The following DYNC1I2 variants were observed in gnomAD, a reference collection of about 807,000 sequenced individuals.
DYNC1I2 encodes the protein dynein cytoplasmic 1 intermediate chain 2.
DYNC1I2 carries 53 observed loss-of-function variants against 88.6 expected under a neutral mutation model. The ratio of observed to expected loss-of-function variants is 0.60; its 90% CI spans 0.48 to 0.75. The LOEUF (loss-of-function observed/expected upper bound fraction) is 0.75, where lower values mean the gene tolerates loss of function less well. Ranked by LOEUF, DYNC1I2 falls within the 30% of genes least tolerant of loss-of-function variation. DYNC1I2 has a pLI of 0.00. For missense variants in DYNC1I2, 458 were observed against 766.6 expected (o/e 0.60, Z 4.75); for synonymous variants, 198 against 254.6 (o/e 0.78, Z 2.12).
In DYNC1I2 at chr2:171,749,532, G is replaced by A. The variant is rs1292460369; in HGVS notation, c.*1643G>A. 1.3e-5 allele frequency among the ~76,000 whole-genome samples: 2 copies of A among 152,220 alleles called. No individual in the cohort carries two copies. Among genetic ancestry groups the A allele is most frequent in the Non-Finnish European group, 1.5e-5 (1 of 67,972 alleles). On this transcript the variant is annotated 3_prime_UTR_variant, in exon 18 of 18. Transcript: ENST00000397119. The stretch of plus-strand genomic sequence containing the variant: ...AAAAATTCATGTACTCACTACTCAT[G>A]TAGTTACTGTATCTTTACCTTCAGT...
intron 15 of DYNC1I2, among the ~76,000 whole-genome samples, chr2:171,731,885 A>C (rs1688638700): frequency 6.6e-6 from 1 of 152,244 alleles, no homozygotes; most frequent in Non-Finnish European, 1.5e-5. Flanking sequence ...ATACAAAGGC[A>C]AGACAGTTAA....
chr2:171,744,039 T>G lies in DYNC1I2; in HGVS notation c.1537-10T>G. The stretch of plus-strand genomic sequence containing the variant: ...ATGGACTGTGCTAAGAATCAACTTT[T>G]CTCTTTCAGAATAACAAGCCTTTGT... On this transcript the variant is annotated splice_polypyrimidine_tract_variant and intron_variant, in intron 15 of 17. Coordinates refer to ENST00000397119, the MANE Select transcript of DYNC1I2 (RefSeq NM_001378.3). 3.1e-6 allele frequency: 5 copies of G among 1,604,770 alleles called. No homozygotes were observed. Among genetic ancestry groups the G allele is most frequent in the Non-Finnish European group, 4.2e-6 (5 of 1,177,390 alleles).
At chr2:171,692,749 A>T (rs762757579) in intron 2 of DYNC1I2, 28 bp from the exon 3 acceptor site, 19 of 1,517,044 alleles carry the variant, frequency 1.3e-5, no homozygotes, top group Admixed American at 8.4e-5. Context: ...CTATATGTAA[A>T]CATAAGTTTT....
intron 10 of DYNC1I2, 102 bp from the exon 11 acceptor site, chr2:171,726,689 T>C (rs1688278182): frequency 7.3e-7 from 1 of 1,362,556 alleles, no homozygotes; most frequent in Non-Finnish European, 1.0e-6. Flanking sequence ...TGTTAGGTAT[T>C]TGTATTTGCA....
intron 4 of DYNC1I2, chr2:171,706,899 A>T (rs181375645): frequency 7.5e-6 from 3 of 399,264 alleles, no homozygotes; most frequent in African/African-American, 2.1e-5. Flanking sequence ...TTTGGCAGCA[A>T]TTGTAAATAA....
intron 7 of DYNC1I2, among the ~76,000 whole-genome samples, chr2:171,716,140 A>C (rs1390458497): frequency 6.6e-6 from 1 of 152,104 alleles, no homozygotes; most frequent in African/African-American, 2.4e-5. Context: ...TGAGATCCCT[A>C]ATACACTTCA....
At position 171,728,366 on chromosome 2, in the gene DYNC1I2, C is replaced by G. The variant is rs746016941; in HGVS notation, c.1205C>G (p.Ser402Cys). 1 of 1,608,038 alleles carries G rather than the reference C, an allele frequency of 6.2e-7. No homozygotes were observed. The highest frequency in any genetic ancestry group is 1.1e-5 in the South Asian group (1 of 89,684). The change falls in exon 13 of 18, where the codon TCT becomes TGT. Residue 402 changes from serine (S) to cysteine (C), a missense_variant. This residue lies in a region of DYNC1I2 where 188 missense variants were observed against 300.4 expected (regional missense o/e 0.63). Transcript: ENST00000397119. ...AATGCTCACAATCTGATTAGCATCT[C>G]TACTGATGGAAAAATTTGTTCATGG... Reference protein sequence around the residue: ...TQNAHNLISISTDGKICSWSL... With the variant: ...TQNAHNLISICTDGKICSWSL...
chr2:171,705,721 C>G (rs1418437990), intron 3 of DYNC1I2, among the ~76,000 whole-genome samples: 1 of 151,982 alleles, frequency 6.6e-6, no homozygotes, highest in African/African-American at 2.4e-5. Flanking sequence ...AGATGAAAAT[C>G]ATTTTTAGGT....
At chr2:171,696,862 C>T (rs1232606292) in intron 3 of DYNC1I2, among the ~76,000 whole-genome samples, 2 of 152,126 alleles carry the variant, frequency 1.3e-5, no homozygotes, top group Non-Finnish European at 2.9e-5. Flanking sequence ...GAAAATCACC[C>T]CCTTTGTTCC....
At chr2:171,729,976 T>C (rs933556089) in intron 15 of DYNC1I2, 123 bp downstream of exon 15, 1 of 1,174,612 alleles carries the variant, frequency 8.5e-7, no homozygotes, top group South Asian at 1.5e-5. Context: ...TGAAGCCTGC[T>C]AGGAAGTTAC....
intron 4 of DYNC1I2, 107 bp from the exon 5 acceptor site, chr2:171,707,179 GT>G: frequency 6.6e-7 from 1 of 1,521,724 alleles, no homozygotes; most frequent in Non-Finnish European, 8.9e-7. Context: ...GTTTGCCATT[GT>G]TTTTTTCTTT....
At position 171,745,910 on chromosome 2, in the gene DYNC1I2, A is replaced by G; in HGVS notation, c.1786A>G (p.Ile596Val). The G allele has an allele frequency of 1.2e-6, 2 of 1,613,798 alleles. No homozygotes were observed. The highest frequency in any genetic ancestry group is 1.7e-6 in the Non-Finnish European group (2 of 1,179,760). The change falls in exon 17 of 18, where the codon ATA becomes GTA. Residue 596 changes from isoleucine (I) to valine (V), a missense_variant. Physicochemically the swap from Ile to Val is conservative, Grantham distance 29 (BLOSUM62 3). This residue lies in a region of DYNC1I2 where 188 missense variants were observed against 300.4 expected (regional missense o/e 0.63). Coordinates refer to ENST00000397119, the MANE Select transcript of DYNC1I2 (RefSeq NM_001378.3). ...AVGDSEGQIV[I>V]YDVGEQIAVP... is the part of the protein sequence containing the mutation. ...GGGTGATTCTGAAGGACAGATTGTT[A>G]TATACGATGTGGGAGAGGTATGGGA...
intron 15 of DYNC1I2, among the ~76,000 whole-genome samples, chr2:171,732,996 C>T (rs1219384661): frequency 6.6e-6 from 1 of 152,160 alleles, no homozygotes. Flanking sequence ...TCCTCCCACG[C>T]TCACCCTTCG....
intron 5 of DYNC1I2, among the ~76,000 whole-genome samples, chr2:171,711,017 C>T (rs191910972): frequency 7.1e-6 from 1 of 141,196 alleles, no homozygotes; most frequent in Non-Finnish European, 1.5e-5. Context: ...ATCCCTCCCC[C>T]CTCCCCTCAC....
At position 171,749,264 on chromosome 2, in the gene DYNC1I2, G is replaced by A. The variant is rs1333039054; in HGVS notation, c.*1375G>A. Among the ~76,000 whole-genome samples the A allele has an allele frequency of 6.6e-6, 1 of 152,044 alleles. No homozygotes were observed. The highest frequency in any genetic ancestry group is 2.4e-5 in the African/African-American group (1 of 41,416). On this transcript the variant is annotated 3_prime_UTR_variant, in exon 18 of 18. Transcript: ENST00000397119. ...TCTGTGCCGCATTCTTTATATGTAG[G>A]AATTAAGTTTTGATTTAATGATTTC... is the stretch of plus-strand genomic sequence containing the variant.
intron 5 of DYNC1I2, among the ~76,000 whole-genome samples, chr2:171,710,166 G>C (rs968029164): frequency 4.9e-5 from 6 of 123,360 alleles, no homozygotes; most frequent in East Asian, 3.9e-4. Flanking sequence ...CACACACACA[G>C]AGTAATAGAA....
At chr2:171,732,309 G>T (rs925498345) in intron 15 of DYNC1I2, among the ~76,000 whole-genome samples, 1 of 152,206 alleles carries the variant, frequency 6.6e-6, no homozygotes, top group African/African-American at 2.4e-5. Flanking sequence ...GCAGCAAGCC[G>T]AGATTGTGCC....
chr2:171,708,048 T>G (rs1686816078), intron 5 of DYNC1I2, among the ~76,000 whole-genome samples: 1 of 133,190 alleles, frequency 7.5e-6, no homozygotes, highest in Non-Finnish European at 1.6e-5. Context: ...GTATTACTAC[T>G]TATTCCTCTT....
At chr2:171,708,133 G>A (rs1002034407) in intron 5 of DYNC1I2, among the ~76,000 whole-genome samples, 7 of 151,380 alleles carry the variant, frequency 4.6e-5, no homozygotes, top group Non-Finnish European at 8.8e-5. Flanking sequence ...CTTCTGAAAT[G>A]AAATTAAACA....
Sources: gnomAD v4.1 joint callset for allele counts (sites outside exome capture counted in the v4.1 genomes callset) on GRCh38, gnomAD v4.1.1 for gene constraint, gnomAD v4.1.1 regional missense constraint, MANE v1.5 for transcripts, NCBI Gene and HGNC (gene_info 2026-07-23, HGNC 2026-07-21) for gene names.